Variants in VRK2 observed in about 807,000 individuals in gnomAD.
VRK2 encodes serine/threonine-protein kinase VRK2.
Under a neutral mutation model 57.6 loss-of-function variants are expected in VRK2, and 60 were observed. That is an observed-to-expected ratio of 1.04 (90% CI 0.85 to 1.29). The LOEUF (loss-of-function observed/expected upper bound fraction) is 1.29. Ranked by LOEUF, VRK2 falls within the 50% of genes most tolerant of loss-of-function variation. The pLI is 0.00. For missense variants in VRK2, 705 were observed against 588.1 expected (o/e 1.20, Z -2.06); for synonymous variants, 231 against 199.2 (o/e 1.16, Z -1.35).
chr2:57,953,333 T>A (rs1671485180), intron 1 of VRK2, among the ~76,000 whole-genome samples: 1 of 152,210 alleles, frequency 6.6e-6, no homozygotes, highest in Admixed American at 6.6e-5. Context: ...TCATAACATA[T>A]CTTTATGATG....
intron 1 of VRK2, among the ~76,000 whole-genome samples, chr2:57,994,159 T>C (rs980539740): frequency 3.3e-5 from 5 of 152,204 alleles, no homozygotes; most frequent in African/African-American, 1.2e-4. Flanking sequence ...AAGAAAACTT[T>C]ATGGTCATTG....
chr2:58,066,896 C>T (rs1379084683), intron 2 of VRK2, among the ~76,000 whole-genome samples: 2 of 151,916 alleles, frequency 1.3e-5, no homozygotes, highest in African/African-American at 4.8e-5. Flanking sequence ...AAGTATTATC[C>T]CTGGATATGT....
intron 1 of VRK2, among the ~76,000 whole-genome samples, chr2:57,909,074 C>T (rs1234913463): frequency 6.6e-6 from 1 of 152,112 alleles, no homozygotes; most frequent in Non-Finnish European, 1.5e-5. Context: ...TCTGTAAAAG[C>T]CTCCCCTTTG....
At chr2:58,088,237 CTTAG>C in intron 5 of VRK2, 100 bp from the exon 6 acceptor site, 1 of 773,506 alleles carries the variant, frequency 1.3e-6, no homozygotes, top group Admixed American at 2.4e-5. Context: ...TTGCATTATA[CTTAG>C]TTGTTAGGTT....
At chr2:58,012,687 G>T (rs560218316) in intron 1 of VRK2, among the ~76,000 whole-genome samples, 47 of 152,182 alleles carry the variant, frequency 3.1e-4, no homozygotes, top group African/African-American at 1.1e-3. Flanking sequence ...ATGTTAAGGG[G>T]GCTCATTATA....
chr2:58,084,936 CA>C lies in VRK2; in HGVS notation c.249del (p.Asp84ThrfsTer7), dbSNP rs780517094. 10 of 1,581,072 alleles carry C rather than the reference CA, an allele frequency of 6.3e-6. No individual in the cohort carries two copies. The highest frequency in any genetic ancestry group is 3.6e-5 in the Admixed American group (2 of 55,784). ...FSELKFYQRVAKKDCIKKWIE... is the reference protein window; with the variant it reads ...FSELKFYQRVXKKDCIKKWIE... ...GAACTTAAATTTTATCAGAGAGTTG[CA>C]AAAAAAGACTGTAGTAAGTAAAATT... On this transcript the variant is annotated frameshift_variant, in exon 4 of 13. Coordinates refer to ENST00000340157, the MANE Select transcript of VRK2 (RefSeq NM_006296.7). LOFTEE classifies it high-confidence loss of function.
chr2:57,923,902 T>G (rs1164034218), intron 1 of VRK2, among the ~76,000 whole-genome samples: 1 of 152,004 alleles, frequency 6.6e-6, no homozygotes, highest in Non-Finnish European at 1.5e-5. Flanking sequence ...GATTTTTGTA[T>G]GGGGAGAGAT....
At chr2:57,920,804 A>G (rs1292657520) in intron 1 of VRK2, among the ~76,000 whole-genome samples, 1 of 152,088 alleles carries the variant, frequency 6.6e-6, no homozygotes, top group Non-Finnish European at 1.5e-5. Context: ...CAATAGATGA[A>G]AAGGAAAATC....
At chr2:57,935,573 G>C (rs986863455) in intron 1 of VRK2, among the ~76,000 whole-genome samples, 2 of 152,152 alleles carry the variant, frequency 1.3e-5, no homozygotes, top group African/African-American at 4.8e-5. Context: ...GGTGTCCCTT[G>C]TGGGTCCGGA....
At chr2:57,926,998 T>TGTG (rs540927767) in intron 1 of VRK2, among the ~76,000 whole-genome samples, 51,920 of 142,692 alleles carry the variant, frequency 0.36, 9,926 homozygotes, top group Middle Eastern at 0.56. Flanking sequence ...TTTTAATTTC[T>TGTG]TGTGTGTGTG....
chr2:58,092,254 T>C (rs1255271195), intron 7 of VRK2, among the ~76,000 whole-genome samples: 9 of 152,302 alleles, frequency 5.9e-5, no homozygotes, highest in Middle Eastern at 3.4e-3. Context: ...TTTTCAGGAA[T>C]GGTATATAAG....
At chr2:58,104,815 C>T (rs1558641028) in intron 7 of VRK2, among the ~76,000 whole-genome samples, 2 of 151,858 alleles carry the variant, frequency 1.3e-5, no homozygotes, top group South Asian at 2.1e-4. Context: ...AATTATACTG[C>T]AAGGCTATAG....
At chr2:58,129,734 TTTCAA>T (rs1219233697) in intron 8 of VRK2, among the ~76,000 whole-genome samples, 1 of 152,156 alleles carries the variant, frequency 6.6e-6, no homozygotes, top group Non-Finnish European at 1.5e-5. Context: ...CATTCAAACT[TTTCAA>T]TTTGCTTTTC....
chr2:58,001,793 G>C (rs1299804509), intron 1 of VRK2, among the ~76,000 whole-genome samples: 1 of 152,122 alleles, frequency 6.6e-6, no homozygotes, highest in African/African-American at 2.4e-5. Context: ...CTGCACTCCA[G>C]CCTGGGCGAC....
intron 1 of VRK2, among the ~76,000 whole-genome samples, chr2:58,014,898 G>A (rs528696180): frequency 3.6e-4 from 55 of 152,248 alleles, no homozygotes; most frequent in Non-Finnish European, 4.3e-4. Flanking sequence ...AGAAGGAACA[G>A]AACCCAAGTG....
upstream of VRK2, among the ~76,000 whole-genome samples, chr2:58,044,606 T>C (rs1253429693): frequency 2.0e-5 from 3 of 151,904 alleles, no homozygotes; most frequent in Admixed American, 1.3e-4. Flanking sequence ...GGCTACGAAA[T>C]ATTGTGGGTG....
intron 12 of VRK2, among the ~76,000 whole-genome samples, chr2:58,157,927 A>T (rs567419669): frequency 6.6e-6 from 1 of 152,308 alleles, no homozygotes; most frequent in South Asian, 2.1e-4. Context: ...AGCCAAGCCA[A>T]ATTTTGGCAA....
chr2:57,938,701 A>T (rs1360833921), intron 1 of VRK2, among the ~76,000 whole-genome samples: 1 of 152,056 alleles, frequency 6.6e-6, no homozygotes, highest in Non-Finnish European at 1.5e-5. Flanking sequence ...TTTCTCTCAT[A>T]AACAGAAGTT....
intron 1 of VRK2, among the ~76,000 whole-genome samples, chr2:57,940,371 A>C (rs576054873): frequency 6.6e-6 from 1 of 152,108 alleles, no homozygotes; most frequent in South Asian, 2.1e-4. Context: ...TTTTTGTTCA[A>C]CTCAGGACCT....
Sources: allele counts gnomAD v4.1 joint callset (sites outside exome capture counted in the v4.1 genomes callset), GRCh38; gene constraint gnomAD v4.1.1; transcripts MANE v1.5; gene names NCBI Gene and HGNC (gene_info 2026-07-23, HGNC 2026-07-21).